The following CLASRP variants were observed in gnomAD, a reference collection of about 807,000 sequenced individuals.
CLASRP encodes the protein CLK4 associating serine/arginine rich protein, also known as CLK4-associating serine/arginine rich protein.
CLASRP carries 52 observed loss-of-function variants against 99.9 expected under a neutral mutation model. The ratio of observed to expected loss-of-function variants is 0.52; its 90% CI spans 0.42 to 0.66. The LOEUF (loss-of-function observed/expected upper bound fraction) is 0.66, where lower values mean the gene tolerates loss of function less well. Ranked by LOEUF, CLASRP falls within the 30% of genes least tolerant of loss-of-function variation. The pLI is 0.00. For missense variants in CLASRP, 848 were observed against 999.2 expected, an observed-to-expected ratio of 0.85 and a Z score of 2.04; for synonymous variants, 379 against 373.0, an observed-to-expected ratio of 1.02 and a Z score of -0.18.
intron 16 of CLASRP, 83 bp downstream of exon 16, chr19:45,068,563 G>A (rs899773351): frequency 8.2e-6 from 9 of 1,091,680 alleles, no homozygotes; most frequent in Non-Finnish European, 1.3e-5. Context: ...CACCACTTTG[G>A]GAGGCCTGGC....
rs772522748 is a variant in CLASRP at position 45,064,473 on chromosome 19, CGGTCCCGCTCCT to C, written c.1264_1275del (p.Trp422_Ser425del). ...CCGTTCCGGCCGCCACGCCCGCTCC[CGGTCCCGCTCCT>C]GGTCCCGCTCCCGCTCCCGCTCCCG... On this transcript the variant is annotated inframe_deletion, in exon 13 of 21. Coordinates refer to ENST00000221455, the MANE Select transcript of CLASRP (RefSeq NM_007056.3). The C allele has an allele frequency of 5.1e-5, 78 of 1,526,404 alleles. No homozygotes were observed. The Middle Eastern group carries it at 5.4e-4, about 11-fold the overall frequency. 94.6% of individuals were successfully genotyped at this position (1,526,404 alleles called of 1,614,324 possible).
chr19:45,043,311 C>A (rs534930492), intron 2 of CLASRP, among the ~76,000 whole-genome samples: 7 of 142,576 alleles, frequency 4.9e-5, no homozygotes, highest in Middle Eastern at 8.0e-3. Context: ...ACTCGGGAGG[C>A]TGAGGCAGGA....
chr19:45,067,362 T>C lies in CLASRP; in HGVS notation c.1435T>C (p.Tyr479His), dbSNP rs1332113232. ...GAGCCGCTCCCACTCAGGGGACCGC[T>C]ACAGGCGGGGCGGCCGGGGCCTCAG... ...SRSRSHSGDR[Y>H]RRGGRGLRHH... Residue 479 changes from tyrosine (Y) to histidine (H), a missense_variant, in exon 14 of 21, where the codon TAC becomes CAC. Tyr to His is a moderately conservative substitution (Grantham distance 83, BLOSUM62 2). Coordinates refer to ENST00000221455, the MANE Select transcript of CLASRP (RefSeq NM_007056.3). The surrounding 1 kb of genome is among the most constrained non-coding windows in gnomAD (Gnocchi z 4.9). 1.7e-5 allele frequency: 26 copies of C among 1,526,306 alleles called. No individual in the cohort carries two copies. The highest frequency in any genetic ancestry group is 2.2e-5 in the Non-Finnish European group (25 of 1,141,540). 94.5% of individuals were successfully genotyped at this position (1,526,306 alleles called of 1,614,324 possible). A position where few individuals can be genotyped will look rare whatever the true frequency, so the allele number is the denominator to read the frequency against.
chr19:45,056,395 C>G (rs369636053), intron 5 of CLASRP, 55 bp from the exon 6 acceptor site: 9 of 1,532,066 alleles, frequency 5.9e-6, no homozygotes, highest in African/African-American at 5.5e-5. Flanking sequence ...TGTTCCCCCA[C>G]TGAATTCCTA....
In CLASRP at chr19:45,059,305, G is replaced by A. The variant is rs1305485653; in HGVS notation, c.651G>A (p.Gln217=). The A allele has an allele frequency of 6.2e-7, 1 of 1,610,118 alleles. No homozygotes were observed. Among genetic ancestry groups the A allele is most frequent in the Non-Finnish European group, 8.5e-7 (1 of 1,178,190 alleles). The change falls in exon 8 of 21, where the codon CAG becomes CAA. Residue 217 remains glutamine, a synonymous_variant. Transcript: ENST00000221455. ...EVDVDELNQE[Q]VADLNKQATT... is the part of the protein sequence containing the mutation. ...ACGTGGATGAATTGAACCAGGAGCA[G>A]GTGGCAGATCTCAACAAACAGGCCA...
intron 5 of CLASRP, 25 bp downstream of exon 5, chr19:45,053,202 G>T: frequency 6.2e-7 from 1 of 1,612,436 alleles, no homozygotes; most frequent in African/African-American, 1.3e-5. Flanking sequence ...GGGGGACGTG[G>T]GGTGTGGGGT....
rs1476939710 is a variant in CLASRP, at chr19:45,067,774, A to C, written c.1667+180A>C. ...CAGCCCTGGCCTGGGGGGTCTGAGG[A>C]GGACACACCAAATCCTGGAGGATCT... On this transcript the variant is annotated intron_variant, in intron 14 of 20. Coordinates refer to ENST00000221455, the MANE Select transcript of CLASRP (RefSeq NM_007056.3). The surrounding 1 kb of genome is among the most constrained non-coding windows in gnomAD (Gnocchi z 4.9). Among the ~76,000 whole-genome samples, 1 of 152,008 alleles carries C rather than the reference A, an allele frequency of 6.6e-6. No individual in the cohort carries two copies. The highest frequency in any genetic ancestry group is 2.4e-5 in the African/African-American group (1 of 41,384).
At position 45,060,910 on chromosome 19, in the gene CLASRP, CAG is replaced by C. The variant is rs1264281239; in HGVS notation, c.863+288_863+289del. ...CGGCATAAGGCTCTCACCAAGGCGG[CAG>C]AGAGGGCACAGGCTTTGCCCTGGAC... On this transcript the variant is annotated intron_variant, in intron 10 of 20. Transcript: ENST00000221455. The surrounding 1 kb of genome is among the most constrained non-coding windows in gnomAD (Gnocchi z 4.6). Among the ~76,000 whole-genome samples, 4 of 152,242 alleles carry C rather than the reference CAG, an allele frequency of 2.6e-5. No individual in the cohort carries two copies. Among genetic ancestry groups the C allele is most frequent in the Admixed American group, 2.6e-4 (4 of 15,288 alleles).
At chr19:45,049,876 G>A (rs1971988714) in intron 2 of CLASRP, among the ~76,000 whole-genome samples, 1 of 152,176 alleles carries the variant, frequency 6.6e-6, no homozygotes, top group Admixed American at 6.6e-5. Context: ...GTGGCAGGTG[G>A]TAGCGGGTGC....
At chr19:45,046,333 T>G (rs1423043212) in intron 2 of CLASRP, among the ~76,000 whole-genome samples, 1 of 152,212 alleles carries the variant, frequency 6.6e-6, no homozygotes, top group Non-Finnish European at 1.5e-5. Context: ...CAGACTCCGG[T>G]TCTGTCATTG....
rs1600089734 is a variant in CLASRP at position 45,040,141 on chromosome 19, G to C, written c.-29-43G>C. ...GATGACTTTGATTCTGCCCATACGGGTTTCACAGACCATCTGACTTTCCTG... is the reference window on the plus strand; with the variant it reads ...GATGACTTTGATTCTGCCCATACGGCTTTCACAGACCATCTGACTTTCCTG... On this transcript the variant is annotated intron_variant, in intron 1 of 20. Coordinates refer to ENST00000221455, the MANE Select transcript of CLASRP (RefSeq NM_007056.3). The C allele has an allele frequency of 4.4e-6, 5 of 1,134,638 alleles. No individual in the cohort carries two copies. In the East Asian group the frequency reaches 7.5e-5, roughly 17 times the overall value. The allele number at this position is 1,134,638 out of a possible 1,614,324, so 70.3% of individuals were successfully genotyped here. A position where few individuals can be genotyped will look rare whatever the true frequency, so the allele number is the denominator to read the frequency against.
rs573355406 is a variant in CLASRP at position 45,052,062 on chromosome 19, C to A, written c.100-9C>A. 3 of 1,612,680 alleles carry A rather than the reference C, an allele frequency of 1.9e-6. No individual in the cohort carries two copies. Among genetic ancestry groups the A allele is most frequent in the Non-Finnish European group, 2.5e-6 (3 of 1,179,112 alleles). On this transcript the variant is annotated splice_polypyrimidine_tract_variant and intron_variant, in intron 2 of 20. Coordinates refer to ENST00000221455, the MANE Select transcript of CLASRP (RefSeq NM_007056.3). ...TGGGTGGTGACCTCAGTCCTGTTTA[C>A]CCCTGCAGAAGAAGGACCCAGCCCA...
intron 13 of CLASRP, among the ~76,000 whole-genome samples, chr19:45,065,718 CGCTGGGTTGGT>C (rs1175750266): frequency 2.0e-5 from 3 of 152,132 alleles, no homozygotes; most frequent in African/African-American, 4.8e-5. Flanking sequence ...AGGGCAGCGA[CGCTGGGTTGGT>C]AGGAGCATAG....
At position 45,060,440 on chromosome 19, in the gene CLASRP, T is replaced by C. The variant is rs369520692; in HGVS notation, c.762T>C (p.Ala254=). The change falls in exon 9 of 21, where the codon GCT becomes GCC. Residue 254 remains alanine, a synonymous_variant. Coordinates refer to ENST00000221455, the MANE Select transcript of CLASRP (RefSeq NM_007056.3). The surrounding 1 kb of genome is among the most constrained non-coding windows in gnomAD (Gnocchi z 4.6). ...EEAEAIKHAK[A]LEEEKAMYSG... is the part of the protein sequence containing the mutation. ...CAGAGGCCATCAAGCATGCCAAGGC[T>C]CTTGAGGAGGAGAAGGCCATGTACT... The C allele has an allele frequency of 1.4e-5, 22 of 1,614,048 alleles. No individual in the cohort carries two copies. The African/African-American group carries it at 2.8e-4, about 21-fold the overall frequency.
At chr19:45,063,293 C>G (rs1349324116) in intron 11 of CLASRP, among the ~76,000 whole-genome samples, 1 of 151,808 alleles carries the variant, frequency 6.6e-6, no homozygotes, top group Non-Finnish European at 1.5e-5. Flanking sequence ...AGGCATGAGC[C>G]ATCACACCTG....
At chr19:45,058,217 G>A (rs1395627071) in intron 7 of CLASRP, 1 of 350,408 alleles carries the variant, frequency 2.9e-6, no homozygotes, top group Non-Finnish European at 5.4e-6. Context: ...TCCCTCCTCT[G>A]GAAAACAAGT....
rs1307570599 is a variant in CLASRP, at chr19:45,053,105, G to C, written c.307G>C (p.Glu103Gln). 6.2e-7 allele frequency: 1 copy of C among 1,613,988 alleles called. No individual in the cohort carries two copies. The highest frequency in any genetic ancestry group is 8.5e-7 in the Non-Finnish European group (1 of 1,179,994). The change falls in exon 5 of 21, where the codon GAA becomes CAA. Residue 103 changes from glutamate (E) to glutamine (Q), a missense_variant. Around this residue, in one of 8 missense-constraint regions of CLASRP, gnomAD observed 54 missense variants for 38.7 expected, o/e 1.39. Transcript: ENST00000221455. ...TPPLLTTISPEQESDERKCNY... is the reference protein window; with the variant it reads ...TPPLLTTISPQQESDERKCNY... The stretch of plus-strand genomic sequence containing the variant: ...TCTCGCCCTTCCCTAAAGCTCCCCA[G>C]AACAGGAGTCGGACGAACGGAAGTG...
chr19:45,058,073 G>T, intron 7 of CLASRP, 175 bp downstream of exon 7: 1 of 722,914 alleles, frequency 1.4e-6, no homozygotes, highest in African/African-American at 1.8e-5. Flanking sequence ...CCTCCGTTCC[G>T]GCCTTCCTCT....
rs1967062247 is a variant in CLASRP at position 45,065,405 on chromosome 19, A to G, written c.1409+775A>G. 2.0e-5 allele frequency among the ~76,000 whole-genome samples: 3 copies of G among 149,996 alleles called. No homozygotes were observed. In the South Asian group the frequency reaches 6.3e-4, roughly 31 times the overall value. On this transcript the variant is annotated intron_variant, in intron 13 of 20. Transcript: ENST00000221455. Reference sequence around the variant, plus strand: ...TTCCGTCTCAAAAAAAAAAAAAAAAAAAAAAATTAGCTGGGCGTGGTGGCA... The same window carrying G: ...TTCCGTCTCAAAAAAAAAAAAAAAAGAAAAAATTAGCTGGGCGTGGTGGCA...
Sources: gnomAD v4.1 joint callset for allele counts (sites outside exome capture counted in the v4.1 genomes callset) on GRCh38, gnomAD v4.1.1 for gene constraint, gnomAD v4.1.1 regional missense constraint, Gnocchi (gnomAD v3.1) non-coding constraint, MANE v1.5 for transcripts, NCBI Gene and HGNC (gene_info 2026-07-23, HGNC 2026-07-21) for gene names.